Variants in TACC2 observed in about 807,000 individuals in gnomAD.
The protein encoded by TACC2 is transforming acidic coiled-coil-containing protein 2.
In TACC2, 137 loss-of-function variants were observed where a neutral mutation model predicts 227.3. The ratio of observed to expected loss-of-function variants is 0.60; its 90% CI spans 0.52 to 0.69. TACC2 has a LOEUF of 0.69. TACC2 is among the 30% of genes least tolerant of loss of function. The pLI, the probability that TACC2 is intolerant of heterozygous loss-of-function variation, is 0.00. For missense variants in TACC2, 3,470 were observed against 3,694.4 expected, an observed-to-expected ratio of 0.94 and a Z score of 1.57; for synonymous variants, 1,523 against 1,487.5, an observed-to-expected ratio of 1.02 and a Z score of -0.55.
chr10:122,139,692 T>A (rs2090251982), intron 6 of TACC2, among the ~76,000 whole-genome samples: 1 of 152,232 alleles, frequency 6.6e-6, no homozygotes, highest in South Asian at 2.1e-4. Context: ...TGTGATCATG[T>A]GCACTTGGGA....
intron 3 of TACC2, among the ~76,000 whole-genome samples, chr10:122,070,623 C>T (rs1327629575): frequency 1.3e-5 from 2 of 151,952 alleles, no homozygotes; most frequent in East Asian, 3.9e-4. Context: ...CGTGTTGGCA[C>T]ATGCCTGTAA....
In TACC2 at chr10:122,010,379, C is replaced by T. The variant is rs1276141746; in HGVS notation, c.-45-11558C>T. Among the ~76,000 whole-genome samples, 8 of 152,286 alleles carry T rather than the reference C, an allele frequency of 5.3e-5. 1 individual carries two copies. In the East Asian group the frequency reaches 9.6e-4, roughly 18 times the overall value. On this transcript the variant is annotated intron_variant, in intron 1 of 22. Coordinates refer to ENST00000369005, the MANE Select transcript of TACC2 (RefSeq NM_206862.4). ...GAATATGGTTTTTTGCTAATCTTGTCTGCAGAGAGGGACGGTATGGAAATT... is the reference window on the plus strand; with the variant it reads ...GAATATGGTTTTTTGCTAATCTTGTTTGCAGAGAGGGACGGTATGGAAATT...
At chr10:122,164,798 A>G (rs1357608321) in intron 7 of TACC2, among the ~76,000 whole-genome samples, 4 of 152,100 alleles carry the variant, frequency 2.6e-5, no homozygotes, top group Admixed American at 1.3e-4. Context: ...ACCTGCCCCC[A>G]CTTTTCCAGA....
At chr10:122,080,757 A>T (rs2079380001) in intron 3 of TACC2, among the ~76,000 whole-genome samples, 1 of 152,202 alleles carries the variant, frequency 6.6e-6, no homozygotes, top group Non-Finnish European at 1.5e-5. Flanking sequence ...TGCATCCCTC[A>T]TGTATGAATG....
chr10:122,036,377 T>G (rs753169552), intron 2 of TACC2, among the ~76,000 whole-genome samples: 2 of 151,436 alleles, frequency 1.3e-5, no homozygotes, highest in Non-Finnish European at 2.9e-5. Context: ...TATTTTTTAG[T>G]AGAGACAGAG....
chr10:122,095,025 TC>T (rs1401933143), intron 5 of TACC2, among the ~76,000 whole-genome samples: 1 of 151,644 alleles, frequency 6.6e-6, no homozygotes, highest in Non-Finnish European at 1.5e-5. Flanking sequence ...CTTATTGAGC[TC>T]CCCCCCACCA....
At chr10:122,165,946 A>G (rs2093137804) in intron 7 of TACC2, among the ~76,000 whole-genome samples, 1 of 152,218 alleles carries the variant, frequency 6.6e-6, no homozygotes, top group Non-Finnish European at 1.5e-5. Context: ...GGTTTTAAAA[A>G]TATATATTCG....
At chr10:122,160,891 A>T (rs2092778824) in intron 7 of TACC2, among the ~76,000 whole-genome samples, 1 of 152,172 alleles carries the variant, frequency 6.6e-6, no homozygotes, top group African/African-American at 2.4e-5. Context: ...CTAATCATAC[A>T]TGGGTTTTAG....
intron 12 of TACC2, among the ~76,000 whole-genome samples, chr10:122,225,461 G>A (rs986285228): frequency 1.3e-5 from 2 of 152,234 alleles, no homozygotes; most frequent in African/African-American, 4.8e-5. Context: ...CCCATGCACA[G>A]GCTTAACTCA....
chr10:122,109,082 A>G (rs188820285), intron 5 of TACC2, among the ~76,000 whole-genome samples: 2 of 152,270 alleles, frequency 1.3e-5, no homozygotes, highest in East Asian at 1.9e-4. Flanking sequence ...AGCTGGTTTC[A>G]TATTTTTTCA....
intron 7 of TACC2, among the ~76,000 whole-genome samples, chr10:122,164,179 G>A (rs1478849837): frequency 6.6e-6 from 1 of 152,210 alleles, no homozygotes; most frequent in Non-Finnish European, 1.5e-5. Flanking sequence ...CCAAGTTACT[G>A]CTGTGGGCAG....
chr10:122,194,990 G>C lies in TACC2; in HGVS notation c.5835-50G>C. 2.6e-6 allele frequency: 4 copies of C among 1,558,742 alleles called. No individual in the cohort carries two copies. The highest frequency in any genetic ancestry group is 3.5e-6 in the Non-Finnish European group (4 of 1,148,212). On this transcript the variant is annotated intron_variant, in intron 7 of 22. Transcript: ENST00000369005. This position sits in a 1 kb window ranked among gnomAD's most constrained non-coding sequence, Gnocchi z 4.4. ...GTGCGAAGGCCACACCGGCTCAGCA[G>C]AACTGGCTCTGGGCCCCTGTCTAAC...
At position 122,237,534 on chromosome 10, in the gene TACC2, C is replaced by G. The variant is rs779648529; in HGVS notation, c.8267C>G (p.Ala2756Gly). Residue 2756 changes from alanine (A) to glycine (G), a missense_variant, in exon 17 of 23, where the codon GCA becomes GGA. By Grantham distance (60) the Ala-to-Gly change is moderately conservative. This residue lies in a region of TACC2 where 345 missense variants were observed against 354.4 expected (regional missense o/e 0.97). Transcript: ENST00000369005. ...DLDSALQIARAEIITKEREVS... is the reference protein window; with the variant it reads ...DLDSALQIARGEIITKEREVS... ...GACTCTGCCCTCCAGATCGCCAGAG[C>G]AGAGGTATCGTGGCATGTGGTGTAA... is the stretch of plus-strand genomic sequence containing the variant. The G allele has an allele frequency of 3.7e-6, 6 of 1,612,062 alleles. No individual in the cohort carries two copies. The South Asian group carries it at 5.5e-5, about 15-fold the overall frequency.
At chr10:122,244,847 G>C (rs1283899636) in intron 19 of TACC2, among the ~76,000 whole-genome samples, 4 of 152,168 alleles carry the variant, frequency 2.6e-5, no homozygotes, top group African/African-American at 4.8e-5. Flanking sequence ...CATCAGTCCT[G>C]CCGTTGTTAT....
chr10:122,015,281 GA>G (rs1243562186), intron 1 of TACC2, among the ~76,000 whole-genome samples: 2 of 152,076 alleles, frequency 1.3e-5, no homozygotes, highest in Admixed American at 1.3e-4. Context: ...GAGGTGGGGG[GA>G]TCACCTGAGG....
intron 2 of TACC2, among the ~76,000 whole-genome samples, chr10:122,036,578 G>T (rs1479354491): frequency 2.7e-5 from 4 of 148,654 alleles, no homozygotes; most frequent in African/African-American, 1.0e-4. Context: ...TCGGCTCATT[G>T]CAACCTCCAT....
chr10:122,144,358 C>T (rs1217145463), intron 7 of TACC2, among the ~76,000 whole-genome samples: 1 of 152,186 alleles, frequency 6.6e-6, no homozygotes, highest in Non-Finnish European at 1.5e-5. Context: ...CAAGTTGACA[C>T]ATAAAGTTAA....
At chr10:122,034,617 C>T (rs970617127) in intron 2 of TACC2, among the ~76,000 whole-genome samples, 4 of 152,186 alleles carry the variant, frequency 2.6e-5, no homozygotes, top group Non-Finnish European at 5.9e-5. Context: ...CAGCCTTATA[C>T]TGCAAGATGG....
chr10:122,058,502 G>A lies in TACC2; in HGVS notation c.146+7952G>A, dbSNP rs776689832. On this transcript the variant is annotated intron_variant, in intron 3 of 22. Coordinates refer to ENST00000369005, the MANE Select transcript of TACC2 (RefSeq NM_206862.4). ...TGGCTCACTGCAACCTCCACCTCCCGGGTTCAAGTGATTCTCCTGCCTCAG... is the reference window on the plus strand; with the variant it reads ...TGGCTCACTGCAACCTCCACCTCCCAGGTTCAAGTGATTCTCCTGCCTCAG... Among the ~76,000 whole-genome samples, 99 of 152,218 alleles carry A rather than the reference G, an allele frequency of 6.5e-4. 1 individual carries two copies. Among genetic ancestry groups the A allele is most frequent in the South Asian group, 2.7e-3 (13 of 4,828 alleles).
Sources: allele counts gnomAD v4.1 joint callset (sites outside exome capture counted in the v4.1 genomes callset), GRCh38; gene constraint gnomAD v4.1.1; regional missense constraint gnomAD v4.1.1; non-coding constraint Gnocchi (gnomAD v3.1); transcripts MANE v1.5; gene names NCBI Gene and HGNC (gene_info 2026-07-23, HGNC 2026-07-21).